Variants in AOPEP observed in about 807,000 individuals in gnomAD.
AOPEP encodes the protein aminopeptidase O.
AOPEP carries 77 observed loss-of-function variants against 98.1 expected under a neutral mutation model. That is an observed-to-expected ratio of 0.78 (90% CI 0.65 to 0.95). AOPEP has a LOEUF of 0.95. AOPEP is among the 40% of genes least tolerant of loss of function. The probability of loss-of-function intolerance (pLI) is 0.00; values close to 1 mark genes in which losing one functional copy is unlikely to be tolerated. For synonymous variants in AOPEP, 346 were observed against 365.3 expected, an observed-to-expected ratio of 0.95 and a Z score of 0.60; for missense variants, 1,024 against 1,024.7, an observed-to-expected ratio of 1.00 and a Z score of 0.01.
At chr9:94,741,804 A>G (rs545765109) in intron 1 of AOPEP, among the ~76,000 whole-genome samples, 2 of 152,312 alleles carry the variant, frequency 1.3e-5, no homozygotes, top group East Asian at 3.9e-4. Flanking sequence ...GACTCTGCTC[A>G]TCACAGTCAT....
At chr9:94,742,154 G>A (rs1348487469) in intron 1 of AOPEP, among the ~76,000 whole-genome samples, 1 of 152,210 alleles carries the variant, frequency 6.6e-6, no homozygotes, top group Non-Finnish European at 1.5e-5. Context: ...AGTTGTTGCA[G>A]TCAATACAGA....
At chr9:94,967,708 G>C in intron 9 of AOPEP, 50 bp from the exon 10 acceptor site, 1 of 1,514,084 alleles carries the variant, frequency 6.6e-7, no homozygotes, top group Non-Finnish European at 9.2e-7. Context: ...GTTCCAGGCA[G>C]AGTTATTTAT....
At chr9:94,838,653 T>C (rs2134710238) in intron 5 of AOPEP, among the ~76,000 whole-genome samples, 1 of 152,344 alleles carries the variant, frequency 6.6e-6, no homozygotes, top group Non-Finnish European at 1.5e-5. Context: ...CAGATTTTCA[T>C]TAAATCTTGA....
the AOPEP span, among the ~76,000 whole-genome samples, chr9:95,106,306 G>C: frequency 5.9e-5 from 9 of 152,096 alleles, no homozygotes; most frequent in East Asian, 1.7e-3. Context: ...TTTTGAATTG[G>C]GTTGTTTATC....
At position 94,956,020 on chromosome 9, in the gene AOPEP, C is replaced by T. The variant is rs2058428554; in HGVS notation, c.1872+5C>T. Reference sequence around the variant, plus strand: ...GGACAGCTGATTCTTTCCCAGGTAACTTATGGGTCCTCATGAGTCCATGAT... The same window carrying T: ...GGACAGCTGATTCTTTCCCAGGTAATTTATGGGTCCTCATGAGTCCATGAT... On this transcript the variant is annotated splice_donor_5th_base_variant and intron_variant, in intron 9 of 16. Coordinates refer to ENST00000375315, the MANE Select transcript of AOPEP (RefSeq NM_001193329.3). 6.4e-7 allele frequency: 1 copy of T among 1,563,032 alleles called. No individual in the cohort carries two copies. The highest frequency in any genetic ancestry group is 8.8e-7 in the Non-Finnish European group (1 of 1,134,142).
chr9:95,085,462 C>CAG lies in AOPEP; in HGVS notation c.*5-1217_*5-1216dup, dbSNP rs1179698230. Reference sequence around the variant, plus strand: ...CAGCGATGACCTCTCTAACAAGGTGCAGAGCTTAGCTGATTGGTGAACAGT... The same window carrying CAG: ...CAGCGATGACCTCTCTAACAAGGTGCAGAGAGCTTAGCTGATTGGTGAACAGT... On this transcript the variant is annotated intron_variant, in intron 16 of 16. Transcript: ENST00000375315. 5.6e-6 allele frequency: 3 copies of CAG among 533,060 alleles called. No homozygotes were observed. In the African/African-American group the frequency reaches 5.8e-5, roughly 10 times the overall value. 33.0% of individuals were successfully genotyped at this position (533,060 alleles called of 1,614,324 possible).
chr9:94,766,789 A>C (rs1181403080), intron 2 of AOPEP, among the ~76,000 whole-genome samples: 1 of 152,236 alleles, frequency 6.6e-6, no homozygotes, highest in Non-Finnish European at 1.5e-5. Flanking sequence ...AGATAAAGTA[A>C]TATTAACATT....
intron 5 of AOPEP, among the ~76,000 whole-genome samples, chr9:94,802,631 A>G (rs1323498151): frequency 2.6e-5 from 4 of 152,260 alleles, no homozygotes; most frequent in Non-Finnish European, 5.9e-5. Context: ...GGTCCTGGGC[A>G]CAAATTTTGA....
At chr9:95,030,546 G>A (rs541236294) in intron 13 of AOPEP, among the ~76,000 whole-genome samples, 2 of 152,330 alleles carry the variant, frequency 1.3e-5, no homozygotes, top group Admixed American at 6.5e-5. Context: ...GCAGAGCAGC[G>A]TCTGAGCCTC....
At chr9:95,130,577 T>G in the AOPEP span, among the ~76,000 whole-genome samples, 5 of 152,220 alleles carry the variant, frequency 3.3e-5, no homozygotes, top group Admixed American at 2.0e-4. Context: ...GGTATTTTCA[T>G]GTACTTGCAT....
intron 9 of AOPEP, among the ~76,000 whole-genome samples, chr9:94,959,053 G>GT (rs1372000623): frequency 1.3e-5 from 2 of 150,536 alleles, no homozygotes; most frequent in East Asian, 1.9e-4. Context: ...TAATGTTTTT[G>GT]TTTTTTTTGA....
In AOPEP at chr9:94,941,803, A is replaced by G. The variant is rs560026005; in HGVS notation, c.1661+13272A>G. Among the ~76,000 whole-genome samples the G allele has an allele frequency of 2.6e-5, 4 of 152,316 alleles. No homozygotes were observed. The East Asian group carries it at 5.8e-4, about 22-fold the overall frequency. ...CAGTACTTGGTGTTTCATTTTTGCA[A>G]TAACATCTAGTAGGGTCCTTTTTCT... On this transcript the variant is annotated intron_variant, in intron 7 of 16. Coordinates refer to ENST00000375315, the MANE Select transcript of AOPEP (RefSeq NM_001193329.3).
the AOPEP span, chr9:95,123,864 C>A: frequency 6.8e-6 from 4 of 584,764 alleles, no homozygotes; most frequent in East Asian, 1.5e-4. Flanking sequence ...CCAAAGCCCA[C>A]GTAAGGAGTT....
Position 95,086,889 on chromosome 9 carries a change from C to A in AOPEP, c.*212C>A. Reference sequence around the variant, plus strand: ...GATTCTCGTAAACGCAGCCTCCCTCCCTGGAGGCTGCCTCCTGCCCTGGAT... The same window carrying A: ...GATTCTCGTAAACGCAGCCTCCCTCACTGGAGGCTGCCTCCTGCCCTGGAT... On this transcript the variant is annotated 3_prime_UTR_variant, in exon 17 of 17. Coordinates refer to ENST00000375315, the MANE Select transcript of AOPEP (RefSeq NM_001193329.3). 1 of 987,128 alleles carries A rather than the reference C, an allele frequency of 1.0e-6. No homozygotes were observed. The highest frequency in any genetic ancestry group is 1.2e-6 in the Non-Finnish European group (1 of 829,384). 61.1% of individuals were successfully genotyped at this position (987,128 alleles called of 1,614,324 possible).
intron 16 of AOPEP, chr9:95,085,521 T>G: frequency 1.9e-6 from 1 of 522,538 alleles, no homozygotes; most frequent in Non-Finnish European, 3.9e-6. Flanking sequence ...GTGGCTAAGT[T>G]CTGCACCTGA....
At chr9:95,005,657 A>T in intron 13 of AOPEP, 41 bp downstream of exon 13, 1 of 1,538,772 alleles carries the variant, frequency 6.5e-7, no homozygotes, top group Non-Finnish European at 9.0e-7. Context: ...GGTCTTGGTA[A>T]ATCCGCTTCT....
chr9:95,110,516 T>G, the AOPEP span: 1 of 1,030,632 alleles, frequency 9.7e-7, no homozygotes, highest in Admixed American at 5.7e-5. Flanking sequence ...GGGTTATAAT[T>G]TTTTCACAAA....
chr9:94,833,689 G>A (rs937039581), intron 5 of AOPEP, among the ~76,000 whole-genome samples: 1 of 152,136 alleles, frequency 6.6e-6, no homozygotes. Flanking sequence ...TCAAGTCCAT[G>A]AGTTCATAAT....
chr9:95,105,205 C>G, the AOPEP span, among the ~76,000 whole-genome samples: 131 of 152,312 alleles, frequency 8.6e-4, 1 homozygote, highest in Admixed American at 6.5e-3. Context: ...CAGGACTGTC[C>G]TACCAGGATG....
Sources: gnomAD v4.1 joint callset for allele counts (sites outside exome capture counted in the v4.1 genomes callset) on GRCh38, gnomAD v4.1.1 for gene constraint, MANE v1.5 for transcripts, NCBI Gene and HGNC (gene_info 2026-07-23, HGNC 2026-07-21) for gene names.